The following BCR variants were observed in gnomAD, a reference collection of about 807,000 sequenced individuals.
BCR encodes breakpoint cluster region protein.
A neutral mutation model predicts 138.6 loss-of-function variants in BCR; 58 were observed. The observed-to-expected ratio is 0.42, with a 90% CI of 0.34 to 0.52. The LOEUF is 0.52. BCR is among the 20% of genes least tolerant of loss of function. The pLI is 0.06. For missense variants in BCR, 1,599 were observed against 1,727.2 expected (o/e 0.93, Z 1.32); for synonymous variants, 786 against 730.1 (o/e 1.08, Z -1.23).
At chr22:23,291,572 G>A (rs917716162) in intron 14 of BCR, among the ~76,000 whole-genome samples, 1 of 151,932 alleles carries the variant, frequency 6.6e-6, no homozygotes, top group Non-Finnish European at 1.5e-5. Context: ...GCAATACAGC[G>A]TGACACCCTA....
intron 1 of BCR, among the ~76,000 whole-genome samples, chr22:23,204,388 G>C (rs892777939): frequency 2.1e-5 from 3 of 145,438 alleles, no homozygotes; most frequent in Non-Finnish European, 4.4e-5. Flanking sequence ...AGATCCGTTA[G>C]TTTTGTGATT....
chr22:23,186,031 A>G (rs1334591628), intron 1 of BCR, among the ~76,000 whole-genome samples: 2 of 152,082 alleles, frequency 1.3e-5, no homozygotes, highest in African/African-American at 2.4e-5. Flanking sequence ...CGCAAGGCGG[A>G]TAGTGTGGTT....
At chr22:23,247,262 A>T (rs773349849) in intron 1 of BCR, among the ~76,000 whole-genome samples, 12 of 151,852 alleles carry the variant, frequency 7.9e-5, no homozygotes, top group Non-Finnish European at 1.3e-4. Flanking sequence ...GAAAACCTCC[A>T]CCACAGCTGG....
At chr22:23,283,456 A>C (rs78755527) in intron 8 of BCR, 5,196 of 154,484 alleles carry the variant, frequency 0.034, 130 homozygotes, top group African/African-American at 0.056. Context: ...CCATACTGCC[A>C]CATCTGTACC....
In BCR at chr22:23,258,179, C is replaced by T. The variant is rs2073316883; in HGVS notation, c.1462-2771C>T. On this transcript the variant is annotated intron_variant, in intron 2 of 22. Transcript: ENST00000305877. ...ATATATATACACACATATACACAGG[C>T]ACCCGGGCATGCTGACACCTCATGC... is the stretch of plus-strand genomic sequence containing the variant. 4.6e-5 allele frequency among the ~76,000 whole-genome samples: 7 copies of T among 152,224 alleles called. No homozygotes were observed. The South Asian group carries it at 1.4e-3, about 31-fold the overall frequency.
chr22:23,239,015 G>T (rs1454308183), intron 1 of BCR, among the ~76,000 whole-genome samples: 1 of 152,164 alleles, frequency 6.6e-6, no homozygotes, highest in Non-Finnish European at 1.5e-5. Flanking sequence ...TGTGGGCCCA[G>T]CAGGGTTCAT....
Position 23,238,270 on chromosome 22 carries a change from C to T in BCR, c.1280-15529C>T. Among the ~76,000 whole-genome samples the T allele has an allele frequency of 1.3e-5, 2 of 152,048 alleles. 1 individual carries two copies. Among genetic ancestry groups the T allele is most frequent in the Non-Finnish European group, 2.9e-5 (2 of 68,010 alleles). On this transcript the variant is annotated intron_variant, in intron 1 of 22. Transcript: ENST00000305877. ...GGAATTATATTTCCTTTTCCAAATA[C>T]TTGTTTAAGAATGGAAGAGTTCCTG...
At position 23,234,389 on chromosome 22, in the gene BCR, C is replaced by T. The variant is rs529266531; in HGVS notation, c.1280-19410C>T. Among the ~76,000 whole-genome samples, 294 of 152,264 alleles carry T rather than the reference C, an allele frequency of 1.9e-3. 1 individual carries two copies. Among genetic ancestry groups the T allele is most frequent in the African/African-American group, 5.6e-3 (234 of 41,546 alleles). The stretch of plus-strand genomic sequence containing the variant: ...AGTGTGTTCTACAGAACCCATGGTC[C>T]CTGGGTTCTGGGTGATCAGTGGCCT... On this transcript the variant is annotated intron_variant, in intron 1 of 22. Transcript: ENST00000305877.
At chr22:23,282,824 C>A (rs888638610) in intron 8 of BCR, among the ~76,000 whole-genome samples, 3 of 152,234 alleles carry the variant, frequency 2.0e-5, no homozygotes, top group Admixed American at 1.3e-4. Context: ...TCCCTGTGAG[C>A]CTTCCCTGAG....
At chr22:23,290,114 C>T (rs956540571) in intron 13 of BCR, 64 of 606,380 alleles carry the variant, frequency 1.1e-4, no homozygotes, top group Admixed American at 2.2e-4. Flanking sequence ...TATTACACTT[C>T]GAGTCACTGG....
chr22:23,196,254 TAAG>T (rs1282908053), intron 1 of BCR, among the ~76,000 whole-genome samples: 3 of 152,130 alleles, frequency 2.0e-5, no homozygotes, highest in Non-Finnish European at 4.4e-5. Flanking sequence ...TGTAGGCAGA[TAAG>T]AAGGTGGCTC....
At chr22:23,297,629 T>A (rs2073861225) in intron 16 of BCR, among the ~76,000 whole-genome samples, 1 of 152,156 alleles carries the variant, frequency 6.6e-6, no homozygotes, top group South Asian at 2.1e-4. Flanking sequence ...ACAGTGTCAC[T>A]GCTCAGCCCA....
intron 16 of BCR, chr22:23,302,344 C>T (rs1162683087): frequency 6.6e-6 from 1 of 152,462 alleles, no homozygotes; most frequent in Non-Finnish European, 1.5e-5. Flanking sequence ...ATCCCAGACC[C>T]CTGCCCTTGG....
At chr22:23,294,435 C>G (rs1262739582) in intron 15 of BCR, among the ~76,000 whole-genome samples, 1 of 152,216 alleles carries the variant, frequency 6.6e-6, no homozygotes, top group Non-Finnish European at 1.5e-5. Flanking sequence ...GAGTCTCACA[C>G]TGTTGGCCAG....
At chr22:23,275,148 C>CGT (rs1041817373) in intron 8 of BCR, among the ~76,000 whole-genome samples, 1 of 152,160 alleles carries the variant, frequency 6.6e-6, no homozygotes, top group Non-Finnish European at 1.5e-5. Context: ...GAGTCTAATC[C>CGT]GAGTTGACCT....
At chr22:23,304,511 G>A (rs370144065) in intron 16 of BCR, among the ~76,000 whole-genome samples, 35 of 152,148 alleles carry the variant, frequency 2.3e-4, no homozygotes, top group Admixed American at 1.8e-3. Flanking sequence ...TTTCTAGTTT[G>A]GGCTGTTAAG....
At chr22:23,189,452 G>A (rs1209862968) in intron 1 of BCR, among the ~76,000 whole-genome samples, 3 of 152,236 alleles carry the variant, frequency 2.0e-5, no homozygotes, top group African/African-American at 7.2e-5. Context: ...CACTCAAGCA[G>A]GGCTTTGAAG....
intron 2 of BCR, among the ~76,000 whole-genome samples, chr22:23,257,253 C>T (rs1229750600): frequency 2.6e-5 from 4 of 152,204 alleles, no homozygotes; most frequent in East Asian, 3.9e-4. Flanking sequence ...CACCCCACCC[C>T]GTCCATGCCC....
chr22:23,252,828 A>G (rs1411943546), intron 1 of BCR, among the ~76,000 whole-genome samples: 1 of 152,128 alleles, frequency 6.6e-6, no homozygotes, highest in African/African-American at 2.4e-5. Context: ...TATGTGACCA[A>G]ATGTAGGGGT....
Sources: allele counts gnomAD v4.1 joint callset (sites outside exome capture counted in the v4.1 genomes callset), GRCh38; gene constraint gnomAD v4.1.1; transcripts MANE v1.5; gene names NCBI Gene and HGNC (gene_info 2026-07-23, HGNC 2026-07-21).